Variants in ZBTB38 observed in about 807,000 individuals in gnomAD.
ZBTB38 encodes the protein zinc finger and BTB domain containing 38.
Under a neutral mutation model 76.8 loss-of-function variants are expected in ZBTB38, and 20 were observed. The observed-to-expected ratio is 0.26, with a 90% CI of 0.18 to 0.38. The LOEUF is 0.38. ZBTB38 is among the 10% of genes least tolerant of loss of function. The pLI is 1.00. For missense variants in ZBTB38, 1,082 were observed against 1,482.3 expected (o/e 0.73, Z 4.43); for synonymous variants, 504 against 544.2 (o/e 0.93, Z 1.03).
At chr3:141,406,791 G>T (rs1349704185) in intron 5 of ZBTB38, among the ~76,000 whole-genome samples, 1 of 152,186 alleles carries the variant, frequency 6.6e-6, no homozygotes, top group Non-Finnish European at 1.5e-5. Flanking sequence ...GCGGAAGGGG[G>T]TTCCTAATGG....
chr3:141,393,326 C>T lies in ZBTB38; in HGVS notation c.-106+6389C>T, dbSNP rs145903488. Among the ~76,000 whole-genome samples, 1,109 of 152,342 alleles carry T rather than the reference C, an allele frequency of 7.3e-3. 5 individuals carry two copies. The highest frequency in any genetic ancestry group is 0.012 in the Non-Finnish European group (833 of 68,032). On this transcript the variant is annotated intron_variant, in intron 4 of 5. Coordinates refer to ENST00000321464, the MANE Select transcript of ZBTB38 (RefSeq NM_001376113.1). The stretch of plus-strand genomic sequence containing the variant: ...GCCTGACAGTCCTGCCGACCTTCCC[C>T]AGCGCTGAGCATGACGTAGAGTCCC...
At chr3:141,351,932 A>G (rs1014793692) in intron 1 of ZBTB38, among the ~76,000 whole-genome samples, 1 of 152,092 alleles carries the variant, frequency 6.6e-6, no homozygotes, top group African/African-American at 2.4e-5. Context: ...GGAGATTTCA[A>G]TACAAAGATA....
At position 141,403,593 on chromosome 3, in the gene ZBTB38, G is replaced by T. The variant is rs1320920295; in HGVS notation, c.-105-334G>T. ...TTTTTAAAACCGTGGGTCACTGTCT[G>T]AAATGTTTTTAAAACCCTGACTTAC... On this transcript the variant is annotated intron_variant, in intron 4 of 5. Coordinates refer to ENST00000321464, the MANE Select transcript of ZBTB38 (RefSeq NM_001376113.1). Among the ~76,000 whole-genome samples, 6 of 152,364 alleles carry T rather than the reference G, an allele frequency of 3.9e-5. No homozygotes were observed. The South Asian group carries it at 8.3e-4, about 21-fold the overall frequency.
intron 5 of ZBTB38, among the ~76,000 whole-genome samples, chr3:141,428,517 C>T (rs764528452): frequency 2.6e-5 from 4 of 152,008 alleles, no homozygotes; most frequent in Non-Finnish European, 5.9e-5. Flanking sequence ...CGGAGTTTTG[C>T]TCTGTTGTCG....
At chr3:141,408,855 A>G (rs540393494) in intron 5 of ZBTB38, among the ~76,000 whole-genome samples, 1 of 152,314 alleles carries the variant, frequency 6.6e-6, no homozygotes, top group South Asian at 2.1e-4. Context: ...CCTTTCCTAG[A>G]AACAGAGTTT....
chr3:141,328,884 C>G (rs1036631994), intron 1 of ZBTB38, among the ~76,000 whole-genome samples: 1 of 152,134 alleles, frequency 6.6e-6, no homozygotes, highest in African/African-American at 2.4e-5. Flanking sequence ...TTTCCCATGT[C>G]CTACTCCTAC....
intron 5 of ZBTB38, chr3:141,434,206 A>G (rs2078240556): frequency 2.0e-6 from 2 of 985,392 alleles, no homozygotes; most frequent in Non-Finnish European, 2.4e-6. Flanking sequence ...CTATGCAGAT[A>G]AGACATCAAC....
chr3:141,411,398 GT>G (rs1474360852), intron 5 of ZBTB38, among the ~76,000 whole-genome samples: 1 of 152,204 alleles, frequency 6.6e-6, no homozygotes, highest in Non-Finnish European at 1.5e-5. Flanking sequence ...AAAGAGCAAG[GT>G]TTCTCAAGGT....
chr3:141,364,575 G>A (rs1943905807), upstream of ZBTB38, among the ~76,000 whole-genome samples: 1 of 150,994 alleles, frequency 6.6e-6, no homozygotes, highest in African/African-American at 2.4e-5. Flanking sequence ...TACTCGGGAG[G>A]CTGAGGCAGG....
intron 3 of ZBTB38, among the ~76,000 whole-genome samples, chr3:141,385,346 G>A (rs1946822002): frequency 6.6e-6 from 1 of 151,604 alleles, no homozygotes; most frequent in Non-Finnish European, 1.5e-5. Context: ...GGGTGGGGGT[G>A]GGTATGGTTT....
At position 141,444,740 on chromosome 3, in the gene ZBTB38, C is replaced by A. The variant is rs370730630; in HGVS notation, c.2352C>A (p.Thr784=). ...IKEKKKTTSH[T]RGEIPEESNY... is the part of the protein sequence containing the mutation. ...AGAAAAAGAAAACTACATCACATAC[C>A]AGGGGAGAAATACCGGAGGAGTCAA... is the stretch of plus-strand genomic sequence containing the variant. The change falls in exon 6 of 6, where the codon ACC becomes ACA. Residue 784 remains threonine (T), a synonymous_variant. Transcript: ENST00000321464. This position sits in a 1 kb window ranked among gnomAD's most constrained non-coding sequence, Gnocchi z 5.1. The A allele has an allele frequency of 2.4e-5, 39 of 1,614,052 alleles. No homozygotes were observed. The African/African-American group carries it at 4.9e-4, about 20-fold the overall frequency.
At chr3:141,437,789 G>A (rs574958286) in intron 5 of ZBTB38, among the ~76,000 whole-genome samples, 1 of 152,160 alleles carries the variant, frequency 6.6e-6, no homozygotes, top group Admixed American at 6.5e-5. Flanking sequence ...TACCTCCCAG[G>A]TGATTTTGAT....
At position 141,448,711 on chromosome 3, in the gene ZBTB38, C is replaced by T. The variant is rs2081281579; in HGVS notation, c.*2735C>T. The T allele has an allele frequency of 6.6e-6, 1 of 152,158 alleles. No homozygotes were observed. Among genetic ancestry groups the T allele is most frequent in the Admixed American group, 6.5e-5 (1 of 15,272 alleles). The allele number at this position is 152,158 out of a possible 1,614,324, so 9.4% of individuals were successfully genotyped here. A position where few individuals can be genotyped will look rare whatever the true frequency, so the allele number is the denominator to read the frequency against. On this transcript the variant is annotated 3_prime_UTR_variant, in exon 6 of 6. Transcript: ENST00000321464. The stretch of plus-strand genomic sequence containing the variant: ...AATAGCTTATTCCTACATTAAGTCT[C>T]TTTTTAAATGTTTTCATGTTATTTC...
In ZBTB38 at chr3:141,413,944, A is replaced by G. The variant is rs1248628948; in HGVS notation, c.-1+9913A>G. Among the ~76,000 whole-genome samples, 1 of 152,224 alleles carries G rather than the reference A, an allele frequency of 6.6e-6. No individual in the cohort carries two copies. The highest frequency in any genetic ancestry group is 1.5e-5 in the Non-Finnish European group (1 of 68,040). On this transcript the variant is annotated intron_variant, in intron 5 of 5. Transcript: ENST00000321464. The surrounding 1 kb of genome is among the most constrained non-coding windows in gnomAD (Gnocchi z 4.1). ...ATGTCACCCAAATATATTCTGTGGTAAGGCTTCTCAACACCTGTTCTTCAT... is the reference window on the plus strand; with the variant it reads ...ATGTCACCCAAATATATTCTGTGGTGAGGCTTCTCAACACCTGTTCTTCAT...
At chr3:141,406,054 CA>C (rs1442244361) in intron 5 of ZBTB38, among the ~76,000 whole-genome samples, 1 of 151,940 alleles carries the variant, frequency 6.6e-6, no homozygotes, top group Non-Finnish European at 1.5e-5. Flanking sequence ...GGAGCATATT[CA>C]GGGAAAAGCA....
chr3:141,429,986 C>G (rs2077135282), intron 5 of ZBTB38, among the ~76,000 whole-genome samples: 1 of 152,212 alleles, frequency 6.6e-6, no homozygotes, highest in Non-Finnish European at 1.5e-5. Flanking sequence ...ATCCTAAGAT[C>G]AGGGGAAGTC....
chr3:141,366,072 C>T (rs1357482067), upstream of ZBTB38, among the ~76,000 whole-genome samples: 1 of 152,184 alleles, frequency 6.6e-6, no homozygotes, highest in Non-Finnish European at 1.5e-5. Context: ...CAGGGAAGTG[C>T]CATTGTACTT....
At chr3:141,437,042 A>C (rs1465118113) in intron 5 of ZBTB38, among the ~76,000 whole-genome samples, 2 of 152,144 alleles carry the variant, frequency 1.3e-5, no homozygotes, top group Admixed American at 6.5e-5. Flanking sequence ...ACTGTGCTCT[A>C]AAGACAGTTT....
intron 1 of ZBTB38, among the ~76,000 whole-genome samples, chr3:141,363,078 A>G (rs1943866285): frequency 1.3e-5 from 2 of 152,216 alleles, no homozygotes; most frequent in Admixed American, 1.3e-4. Context: ...TGAAACCAGG[A>G]CTGGGACTTA....
Sources: gnomAD v4.1 joint callset for allele counts (sites outside exome capture counted in the v4.1 genomes callset) on GRCh38, gnomAD v4.1.1 for gene constraint, Gnocchi (gnomAD v3.1) non-coding constraint, MANE v1.5 for transcripts, NCBI Gene and HGNC (gene_info 2026-07-23, HGNC 2026-07-21) for gene names.